IPMK: variants seen among roughly 807,000 people sequenced by gnomAD.
The protein encoded by IPMK is inositol 1,3,4,6-tetrakisphosphate 5-kinase.
In IPMK, 17 loss-of-function variants were observed where a neutral mutation model predicts 45.8. The observed-to-expected ratio is 0.37, with a 90% CI of 0.25 to 0.56. IPMK has a LOEUF of 0.56. IPMK is among the 20% of genes least tolerant of loss of function. The pLI is 0.79. For synonymous variants in IPMK, 180 were observed against 184.3 expected, an observed-to-expected ratio of 0.98 and a Z score of 0.19; for missense variants, 399 against 498.0, an observed-to-expected ratio of 0.80 and a Z score of 1.89.
chr10:58,251,787 C>T (rs1006794148), intron 1 of IPMK, among the ~76,000 whole-genome samples: 5 of 152,198 alleles, frequency 3.3e-5, no homozygotes, highest in African/African-American at 7.2e-5. Context: ...TTATCTGATA[C>T]AACCATAGCT....
chr10:58,238,714 C>A (rs1006539437), intron 1 of IPMK, among the ~76,000 whole-genome samples: 4 of 152,092 alleles, frequency 2.6e-5, no homozygotes, highest in Non-Finnish European at 4.4e-5. Context: ...ATATCTCACA[C>A]ATGAGCATGA....
At chr10:58,255,882 T>C (rs971969447) in intron 1 of IPMK, among the ~76,000 whole-genome samples, 1 of 152,232 alleles carries the variant, frequency 6.6e-6, no homozygotes, top group Non-Finnish European at 1.5e-5. Flanking sequence ...TAATTTCTTA[T>C]GCCTGTCTTT....
chr10:58,213,514 A>C (rs1302137297), intron 4 of IPMK, among the ~76,000 whole-genome samples: 4 of 151,996 alleles, frequency 2.6e-5, no homozygotes, highest in Non-Finnish European at 5.9e-5. Context: ...GAAATCCCAT[A>C]TCTACTAAAA....
intron 1 of IPMK, among the ~76,000 whole-genome samples, chr10:58,257,983 C>T (rs1838997366): frequency 6.6e-6 from 1 of 152,110 alleles, no homozygotes; most frequent in African/African-American, 2.4e-5. Context: ...CCATAAAGGA[C>T]AAATCCACAA....
At chr10:58,234,887 G>A (rs181361341) in intron 2 of IPMK, among the ~76,000 whole-genome samples, 5,119 of 152,188 alleles carry the variant, frequency 0.034, 135 homozygotes, top group African/African-American at 0.074. Flanking sequence ...GCAACCTACA[G>A]GATGGGAGAA....
chr10:58,238,658 A>G (rs141932219), intron 1 of IPMK, among the ~76,000 whole-genome samples: 69 of 152,236 alleles, frequency 4.5e-4, no homozygotes, highest in African/African-American at 1.6e-3. Context: ...TTTTCTTTCT[A>G]TCAGATAGGT....
At chr10:58,238,732 A>G (rs150645671) in intron 1 of IPMK, among the ~76,000 whole-genome samples, 20 of 152,356 alleles carry the variant, frequency 1.3e-4, no homozygotes, top group African/African-American at 4.6e-4. Flanking sequence ...TGAAAATTCA[A>G]TCATTGTGCT....
In IPMK at chr10:58,216,293, A is replaced by G; in HGVS notation, c.398T>C (p.Val133Ala). The G allele has an allele frequency of 1.3e-6, 2 of 1,561,794 alleles. No homozygotes were observed. Among genetic ancestry groups the G allele is most frequent in the Non-Finnish European group, 1.7e-6 (2 of 1,151,140 alleles). ...ACAGGGCTTATTAAATTTATGGGTCACATCTTCCAGTTTTAGGTATAAATC... is the reference window on the plus strand; with the variant it reads ...ACAGGGCTTATTAAATTTATGGGTCGCATCTTCCAGTTTTAGGTATAAATC... The part of the protein sequence containing the change: ...PNDLYLKLED[V>A]THKFNKPCIM... Residue 133 changes from valine (V) to alanine (A), a missense_variant, in exon 4 of 6, where the codon GTG becomes GCG. Val to Ala is a moderately conservative substitution (Grantham distance 64). Around this residue, in one of 2 missense-constraint regions of IPMK, gnomAD observed 288 missense variants for 398.0 expected, o/e 0.72. Coordinates refer to ENST00000373935, the MANE Select transcript of IPMK (RefSeq NM_152230.5).
chr10:58,204,776 C>G (rs1194063747), intron 4 of IPMK, among the ~76,000 whole-genome samples: 1 of 151,980 alleles, frequency 6.6e-6, no homozygotes, highest in African/African-American at 2.4e-5. Flanking sequence ...GCCTGGATGA[C>G]AGAGCAAAGA....
chr10:58,242,474 A>C (rs868182002), intron 1 of IPMK, among the ~76,000 whole-genome samples: 2 of 148,672 alleles, frequency 1.3e-5, no homozygotes, highest in Non-Finnish European at 3.0e-5. Flanking sequence ...AAAAAAAAAA[A>C]AGAAAAGAAA....
chr10:58,242,515 A>G (rs1838711869), intron 1 of IPMK, among the ~76,000 whole-genome samples: 1 of 151,976 alleles, frequency 6.6e-6, no homozygotes, highest in Admixed American at 6.5e-5. Flanking sequence ...TCAGAGAGAA[A>G]CTTTAAGAAC....
At chr10:58,243,622 G>A (rs1013578133) in intron 1 of IPMK, among the ~76,000 whole-genome samples, 37 of 152,190 alleles carry the variant, frequency 2.4e-4, no homozygotes, top group African/African-American at 6.0e-4. Context: ...AGCCCGCCTC[G>A]GCCTCCCGAG....
intron 1 of IPMK, among the ~76,000 whole-genome samples, chr10:58,242,463 AAAAAAAAAAAAAG>A (rs1174205875): frequency 6.8e-6 from 1 of 146,988 alleles, no homozygotes; most frequent in South Asian, 2.2e-4. Flanking sequence ...CCGTCTCAAA[AAAAAAAAAAAAAG>A]AAAAGAAAAC....
intron 4 of IPMK, chr10:58,212,685 C>A: frequency 4.0e-6 from 1 of 250,404 alleles, no homozygotes; most frequent in Non-Finnish European, 8.7e-6. Flanking sequence ...GATGTGCAGC[C>A]TCTGTCGCAA....
Position 58,199,294 on chromosome 10 carries a change from C to T in IPMK, c.574G>A (p.Glu192Lys). 1 of 1,608,672 alleles carries T rather than the reference C, an allele frequency of 6.2e-7. No homozygotes were observed. ...CTTCCGTAATGCTGGTTTTCTGTCT[C>T]ATAGCTATCGGAATGAACATGATAA... ...RVYHVHSDSY[E>K]TENQHYGRSL... Residue 192 changes from glutamate (E) to lysine (K), a missense_variant, in exon 5 of 6, where the codon GAG (glutamate) becomes AAG (lysine). Physicochemically the swap from Glu to Lys is moderately conservative, Grantham distance 56. Around this residue, in one of 2 missense-constraint regions of IPMK, gnomAD observed 288 missense variants for 398.0 expected, o/e 0.72. Coordinates refer to ENST00000373935, the MANE Select transcript of IPMK (RefSeq NM_152230.5).
chr10:58,229,226 T>G (rs1276687956), intron 2 of IPMK, among the ~76,000 whole-genome samples: 1 of 151,980 alleles, frequency 6.6e-6, no homozygotes, highest in African/African-American at 2.4e-5. Context: ...TTTTAAATAC[T>G]AGGAAAAGCT....
intron 1 of IPMK, among the ~76,000 whole-genome samples, chr10:58,266,254 G>C (rs1017615899): frequency 6.6e-6 from 1 of 152,156 alleles, no homozygotes; most frequent in African/African-American, 2.4e-5. Context: ...CAATTCAGTG[G>C]GGAGAAAGGC....
chr10:58,266,108 C>A (rs1839143620), intron 1 of IPMK, among the ~76,000 whole-genome samples: 1 of 152,156 alleles, frequency 6.6e-6, no homozygotes, highest in Non-Finnish European at 1.5e-5. Context: ...AACTTGAGGA[C>A]GTTGTTTCTT....
chr10:58,245,429 T>C (rs1425402204), intron 1 of IPMK, among the ~76,000 whole-genome samples: 1 of 151,874 alleles, frequency 6.6e-6, no homozygotes, highest in Non-Finnish European at 1.5e-5. Flanking sequence ...CTGGCCATCA[T>C]AGTGGAACCC....
Sources: gnomAD v4.1 joint callset for allele counts (sites outside exome capture counted in the v4.1 genomes callset) on GRCh38, gnomAD v4.1.1 for gene constraint, gnomAD v4.1.1 regional missense constraint, MANE v1.5 for transcripts, NCBI Gene and HGNC (gene_info 2026-07-23, HGNC 2026-07-21) for gene names.